Variants in OR5V1 observed in about 807,000 individuals in gnomAD.
The protein encoded by OR5V1 is olfactory receptor 5V1.
For synonymous variants in OR5V1, 134 were observed against 143.2 expected (o/e 0.94, Z 0.46); for missense variants, 365 against 371.5 (o/e 0.98, Z 0.14).
chr6:29,358,028 T>G lies in OR5V1; in HGVS notation c.-82-1751A>C, dbSNP rs1186642605. ...AGTTTGAGAGGTGGCTTAATTGTGC[T>G]TTTGTTGTAATTGCTGTCTTCTTTC... On this transcript the variant is annotated intron_variant, in intron 1 of 1. Transcript: ENST00000641768. 2.6e-5 allele frequency among the ~76,000 whole-genome samples: 4 copies of G among 152,300 alleles called. No individual in the cohort carries two copies. The East Asian group carries it at 7.7e-4, about 29-fold the overall frequency.
chr6:29,364,152 T>C (rs1302379384), intron 1 of OR5V1, among the ~76,000 whole-genome samples: 4 of 151,812 alleles, frequency 2.6e-5, no homozygotes, highest in South Asian at 2.1e-4. Context: ...ACACCAATAA[T>C]AGACAAGCAG....
chr6:29,360,484 G>A (rs1778515440), intron 1 of OR5V1, among the ~76,000 whole-genome samples: 1 of 152,220 alleles, frequency 6.6e-6, no homozygotes, highest in Admixed American at 6.5e-5. Flanking sequence ...CCTACTGACT[G>A]AGAGAGACTC....
At chr6:29,365,943 G>A (rs1017175088) in intron 1 of OR5V1, among the ~76,000 whole-genome samples, 2 of 152,136 alleles carry the variant, frequency 1.3e-5, no homozygotes, top group Non-Finnish European at 1.5e-5. Context: ...AGAAAATGTG[G>A]CACATATATA....
In OR5V1 at chr6:29,355,102, T is replaced by G; in HGVS notation, c.*128A>C. 2.4e-6 allele frequency: 2 copies of G among 826,044 alleles called. No individual in the cohort carries two copies. The highest frequency in any genetic ancestry group is 3.6e-6 in the Non-Finnish European group (2 of 548,988). 51.2% of individuals were successfully genotyped at this position (826,044 alleles called of 1,614,324 possible). On this transcript the variant is annotated 3_prime_UTR_variant, in exon 2 of 2. Transcript: ENST00000641768. ...AACTAAAGCTCAAGAATAAGTACAC[T>G]TAGACTGGAGTGTATCAACTCTTCA...
At position 29,355,656 on chromosome 6, in the gene OR5V1, G is replaced by A; in HGVS notation, c.540C>T (p.Asp180=). The A allele has an allele frequency of 6.2e-7, 1 of 1,614,016 alleles. No homozygotes were observed. Among genetic ancestry groups the A allele is most frequent in the Non-Finnish European group, 8.5e-7 (1 of 1,179,908 alleles). Residue 180 remains aspartate, a synonymous_variant, in exon 2 of 2, where the codon GAC becomes GAT. Coordinates refer to ENST00000641768, the MANE Select transcript of OR5V1 (RefSeq NM_030876.6). The part of the protein sequence containing the change: ...GNNQINYFFC[D]IPPLLILSCG... ...AAGACAAGATCAGCAAAGGGGGGATGTCACAGAAGAAGTAATTAATCTGAT... is the reference window on the plus strand; with the variant it reads ...AAGACAAGATCAGCAAAGGGGGGATATCACAGAAGAAGTAATTAATCTGAT...
chr6:29,365,838 T>C lies in OR5V1; in HGVS notation c.-83+2794A>G, dbSNP rs925884885. ...CAAAGGATTATAAATCATTCTACTA[T>C]AAAGACACATGCATACGTAGGTTTA... On this transcript the variant is annotated intron_variant, in intron 1 of 1. Coordinates refer to ENST00000641768, the MANE Select transcript of OR5V1 (RefSeq NM_030876.6). Among the ~76,000 whole-genome samples the C allele has an allele frequency of 3.9e-5, 6 of 152,278 alleles. No individual in the cohort carries two copies. The East Asian group carries it at 1.2e-3, about 29-fold the overall frequency.
rs746249823 is a variant in OR5V1 at position 29,355,353 on chromosome 6, A to G, written c.843T>C (p.Val281=). 9.7e-5 allele frequency: 157 copies of G among 1,613,936 alleles called. No individual in the cohort carries two copies. Among genetic ancestry groups the G allele is most frequent in the Non-Finnish European group, 1.3e-4 (150 of 1,179,934 alleles). ...AAATTATAGGGTTTAGCATGGGGGT[A>G]ACAACACTGTACAACACTGAAACCA... The part of the protein sequence containing the change: ...DRLVSVLYSV[V]TPMLNPIIYT... The change falls in exon 2 of 2, where the codon GTT becomes GTC. Residue 281 remains valine (V), a synonymous_variant. Transcript: ENST00000641768.
intron 1 of OR5V1, among the ~76,000 whole-genome samples, chr6:29,360,568 C>T (rs957402912): frequency 1.3e-5 from 2 of 152,172 alleles, no homozygotes; most frequent in Admixed American, 1.3e-4. Context: ...GATGAAGCTT[C>T]CAGAGGAAGA....
Position 29,356,151 on chromosome 6 carries a change from C to T in OR5V1, c.45G>A (p.Leu15=). The T allele has an allele frequency of 1.2e-6, 2 of 1,605,230 alleles. No homozygotes were observed. Among genetic ancestry groups the T allele is most frequent in the Non-Finnish European group, 1.7e-6 (2 of 1,176,914 alleles). The change falls in exon 2 of 2, where the codon TTG becomes TTA. Residue 15 remains leucine (L), a synonymous_variant. Transcript: ENST00000641768. Reference sequence around the variant, plus strand: ...GCAATTCATTTAGGTTGGAGAATCCCAAGATGATGAATTCAGTTATAGCTG... The same window carrying T: ...GCAATTCATTTAGGTTGGAGAATCCTAAGATGATGAATTCAGTTATAGCTG... The part of the protein sequence containing the change: ...NQTAITEFII[L]GFSNLNELQF...
chr6:29,360,747 C>G (rs1455183361), intron 1 of OR5V1, among the ~76,000 whole-genome samples: 1 of 152,226 alleles, frequency 6.6e-6, no homozygotes, highest in East Asian at 1.9e-4. Context: ...ACAAAAAGGA[C>G]CCCCACACAA....
rs781628343 is a variant in OR5V1, at chr6:29,354,990, C to T, written c.*240G>A. On this transcript the variant is annotated 3_prime_UTR_variant, in exon 2 of 2. Coordinates refer to ENST00000641768, the MANE Select transcript of OR5V1 (RefSeq NM_030876.6). ...ACAAATATCTCATGAAAGAGGGAAA[C>T]AGTCTTTGAATGCAAAATTCAGGAA... 92 of 383,946 alleles carry T rather than the reference C, an allele frequency of 2.4e-4. No homozygotes were observed. Among genetic ancestry groups the T allele is most frequent in the Non-Finnish European group, 3.2e-4 (71 of 218,568 alleles). The allele number at this position is 383,946 out of a possible 1,614,324, so 23.8% of individuals were successfully genotyped here.
chr6:29,360,607 G>C (rs1163679205), intron 1 of OR5V1, among the ~76,000 whole-genome samples: 1 of 152,206 alleles, frequency 6.6e-6, no homozygotes, highest in Non-Finnish European at 1.5e-5. Flanking sequence ...CCGTTCTGCA[G>C]CCTCCACCGG....
At position 29,355,911 on chromosome 6, in the gene OR5V1, C is replaced by A. The variant is rs1243011847; in HGVS notation, c.285G>T (p.Val95=). ...LLSKKKSISY[V]GCVVQLFAFV... is the part of the protein sequence containing the mutation. ...ATGCAAAAAGTTGAACCACACACCC[C>A]ACATAAGAAATGCTTTTTTTCTTTG... The change falls in exon 2 of 2, where the codon GTG becomes GTT. Residue 95 remains valine (V), a synonymous_variant. Transcript: ENST00000641768. 6.2e-7 allele frequency: 1 copy of A among 1,613,930 alleles called. No individual in the cohort carries two copies. The highest frequency in any genetic ancestry group is 8.5e-7 in the Non-Finnish European group (1 of 1,179,976).
In OR5V1 at chr6:29,355,995, G is replaced by T. The variant is rs1222308865; in HGVS notation, c.201C>A (p.Ala67=). The T allele has an allele frequency of 6.2e-7, 1 of 1,613,916 alleles. No homozygotes were observed. Among genetic ancestry groups the T allele is most frequent in the Non-Finnish European group, 8.5e-7 (1 of 1,179,974 alleles). ...TGGTGGTGTAGCAGATGTCAATAAA[G>T]GCCAAGTTCCCTAGAAAATAATACA... ...TPMYYFLGNL[A]FIDICYTTSN... The change falls in exon 2 of 2, where the codon GCC becomes GCA. Residue 67 remains alanine, a synonymous_variant. Coordinates refer to ENST00000641768, the MANE Select transcript of OR5V1 (RefSeq NM_030876.6).
At chr6:29,356,404 A>G (rs540151117) in intron 1 of OR5V1, 127 bp from the exon 2 acceptor site, 119 of 510,940 alleles carry the variant, frequency 2.3e-4, no homozygotes, top group African/African-American at 2.1e-3. Context: ...AATACATCCA[A>G]TGTTTCACCT....
At chr6:29,356,871 G>T (rs796914826) in intron 1 of OR5V1, among the ~76,000 whole-genome samples, 3 of 151,854 alleles carry the variant, frequency 2.0e-5, no homozygotes, top group Non-Finnish European at 4.4e-5. Context: ...TTAATTTTCC[G>T]TGGCAATACA....
chr6:29,363,236 A>C (rs962117112), intron 1 of OR5V1, among the ~76,000 whole-genome samples: 1 of 152,228 alleles, frequency 6.6e-6, no homozygotes, highest in African/African-American at 2.4e-5. Context: ...ACACCCTTCC[A>C]AGCCTAAACC....
rs1237405802 is a variant in OR5V1, at chr6:29,354,906, T to A, written c.*324A>T. ...GTGAAGAAAAATATTTCACATTATT[T>A]AATATACAGAAAGCAATATGAAAAA... On this transcript the variant is annotated 3_prime_UTR_variant, in exon 2 of 2. Coordinates refer to ENST00000641768, the MANE Select transcript of OR5V1 (RefSeq NM_030876.6). 4.4e-6 allele frequency: 1 copy of A among 227,304 alleles called. No individual in the cohort carries two copies. The highest frequency in any genetic ancestry group is 2.3e-5 in the African/African-American group (1 of 44,304). The allele number at this position is 227,304 out of a possible 1,614,324, so 14.1% of individuals were successfully genotyped here. A position where few individuals can be genotyped will look rare whatever the true frequency, so the allele number is the denominator to read the frequency against.
chr6:29,355,851 C>T lies in OR5V1; in HGVS notation c.345G>A (p.Leu115=), dbSNP rs1778265278. Residue 115 remains leucine (L), a synonymous_variant, in exon 2 of 2, where the codon CTG becomes CTA. Transcript: ENST00000641768. Reference sequence around the variant, plus strand: ...TGTAACGATCATATGCCATTGCTGCCAGTAGGAGACACTCTGATCCTACAA... The same window carrying T: ...TGTAACGATCATATGCCATTGCTGCTAGTAGGAGACACTCTGATCCTACAA... ...VFFVGSECLL[L]AAMAYDRYIA... 1 of 1,613,984 alleles carries T rather than the reference C, an allele frequency of 6.2e-7. No homozygotes were observed. Among genetic ancestry groups the T allele is most frequent in the African/African-American group, 1.3e-5 (1 of 74,996 alleles).
Sources: allele counts gnomAD v4.1 joint callset (sites outside exome capture counted in the v4.1 genomes callset), GRCh38; gene constraint gnomAD v4.1.1; transcripts MANE v1.5; gene names NCBI Gene and HGNC (gene_info 2026-07-23, HGNC 2026-07-21).